ARHGAP15: variants seen among roughly 807,000 people sequenced by gnomAD.
ARHGAP15 encodes rho GTPase-activating protein 15.
In ARHGAP15, 51 loss-of-function variants were observed where a neutral mutation model predicts 63.7. That is an observed-to-expected ratio of 0.80 (90% confidence interval 0.64 to 1.01). The LOEUF is 1.01. ARHGAP15 is among the 50% of genes least tolerant of loss of function. The probability of loss-of-function intolerance (pLI) is 0.00; values close to 1 mark genes in which losing one functional copy is unlikely to be tolerated. For synonymous variants in ARHGAP15, 191 were observed against 193.8 expected (o/e 0.99, Z 0.12); for missense variants, 560 against 564.6 (o/e 0.99, Z 0.08).
At chr2:143,545,985 T>C (rs1397864312) in intron 10 of ARHGAP15, among the ~76,000 whole-genome samples, 1 of 152,218 alleles carries the variant, frequency 6.6e-6, no homozygotes, top group Non-Finnish European at 1.5e-5. Flanking sequence ...GTAAGTGTTT[T>C]GCTGAAAGGC....
chr2:143,178,948 A>G (rs1691116892), intron 2 of ARHGAP15, among the ~76,000 whole-genome samples: 1 of 152,210 alleles, frequency 6.6e-6, no homozygotes, highest in Non-Finnish European at 1.5e-5. Flanking sequence ...ATGATTTTGG[A>G]GTCTTTAGAA....
intron 8 of ARHGAP15, among the ~76,000 whole-genome samples, chr2:143,486,810 C>T (rs1049186787): frequency 6.6e-6 from 1 of 152,080 alleles, no homozygotes; most frequent in African/African-American, 2.4e-5. Context: ...AAGTTTGAGG[C>T]AAATTATGTT....
intron 2 of ARHGAP15, among the ~76,000 whole-genome samples, chr2:143,192,858 A>G (rs1691733186): frequency 6.6e-6 from 1 of 152,218 alleles, no homozygotes; most frequent in Admixed American, 6.5e-5. Flanking sequence ...GCAACAGACA[A>G]AAGTGCTGTA....
At chr2:143,499,027 A>G (rs1368566823) in intron 9 of ARHGAP15, among the ~76,000 whole-genome samples, 1 of 152,220 alleles carries the variant, frequency 6.6e-6, no homozygotes, top group Non-Finnish European at 1.5e-5. Flanking sequence ...TATTACCCAC[A>G]GATCAGAAGA....
intron 10 of ARHGAP15, among the ~76,000 whole-genome samples, chr2:143,541,214 G>A (rs1695032773): frequency 6.6e-6 from 1 of 152,150 alleles, no homozygotes; most frequent in Non-Finnish European, 1.5e-5. Context: ...TTGTGCCATG[G>A]TTTTCAGCTC....
intron 6 of ARHGAP15, among the ~76,000 whole-genome samples, chr2:143,329,498 G>GA (rs780581388): frequency 1.4e-5 from 2 of 147,948 alleles, no homozygotes; most frequent in Non-Finnish European, 3.0e-5. Flanking sequence ...CTTGAAAGAG[G>GA]ACCCCAAAGC....
chr2:143,357,920 TAAG>T (rs1201996587), intron 6 of ARHGAP15, among the ~76,000 whole-genome samples: 1 of 152,210 alleles, frequency 6.6e-6, no homozygotes, highest in Non-Finnish European at 1.5e-5. Context: ...GCATAAACCT[TAAG>T]AGAGTATTTA....
intron 6 of ARHGAP15, among the ~76,000 whole-genome samples, chr2:143,330,159 T>TAAAAAAAAAAAA (rs1684482882): frequency 8.8e-6 from 1 of 113,780 alleles, no homozygotes; most frequent in Non-Finnish European, 1.9e-5. Flanking sequence ...AACTAATGAT[T>TAAAAAAAAAAAA]AATAATTTCA....
intron 1 of ARHGAP15, among the ~76,000 whole-genome samples, chr2:143,139,335 C>T (rs1689270632): frequency 2.0e-5 from 3 of 152,058 alleles, no homozygotes; most frequent in Admixed American, 6.6e-5. Flanking sequence ...AATCAATTGC[C>T]ATACTCAAGC....
intron 10 of ARHGAP15, among the ~76,000 whole-genome samples, chr2:143,520,065 TA>T (rs1296890074): frequency 6.6e-6 from 1 of 152,134 alleles, no homozygotes; most frequent in Non-Finnish European, 1.5e-5. Context: ...TGCAGAATCT[TA>T]AAAAATGTAT....
Position 143,209,557 on chromosome 2 carries a change from T to TAAAA in ARHGAP15, c.235-6820_235-6817dup, listed in dbSNP as rs3070816. 5.3e-3 allele frequency among the ~76,000 whole-genome samples: 785 copies of TAAAA among 148,458 alleles called. 5 individuals carry two copies. Among genetic ancestry groups the TAAAA allele is most frequent in the East Asian group, 0.023 (116 of 5,074 alleles). On this transcript the variant is annotated intron_variant, in intron 3 of 13. Transcript: ENST00000295095. ...GTCCAAATTACAAAATGTGCTATGA[T>TAAAA]AAAAAAAAAACAAGTTTCTGTGAGA... is the stretch of plus-strand genomic sequence containing the variant.
chr2:143,335,618 T>G (rs778285017), intron 6 of ARHGAP15, among the ~76,000 whole-genome samples: 1 of 152,212 alleles, frequency 6.6e-6, no homozygotes, highest in Admixed American at 6.5e-5. Context: ...TATATACTTA[T>G]GCCAAGCAAT....
At chr2:143,442,395 G>A (rs1211893628) in intron 8 of ARHGAP15, among the ~76,000 whole-genome samples, 1 of 152,034 alleles carries the variant, frequency 6.6e-6, no homozygotes, top group Non-Finnish European at 1.5e-5. Context: ...CTTCCCAGTA[G>A]CATTGCTTTC....
chr2:143,435,986 T>C lies in ARHGAP15; in HGVS notation c.573+287T>C, dbSNP rs550347041. Among the ~76,000 whole-genome samples, 34 of 149,806 alleles carry C rather than the reference T, an allele frequency of 2.3e-4. No homozygotes were observed. In the South Asian group the frequency reaches 3.6e-3, roughly 16 times the overall value. ...CTGTAAAAAGCACACAAGCACTTAA[T>C]AACTACTGATTTTTTTTTCATTTTC... On this transcript the variant is annotated intron_variant, in intron 7 of 13. Transcript: ENST00000295095.
At chr2:143,659,717 G>A (rs1287743798) in intron 12 of ARHGAP15, among the ~76,000 whole-genome samples, 1 of 152,100 alleles carries the variant, frequency 6.6e-6, no homozygotes, top group Non-Finnish European at 1.5e-5. Context: ...TGGTAATACA[G>A]GCCCTTTTAA....
chr2:143,535,031 A>T (rs766215173), intron 10 of ARHGAP15, among the ~76,000 whole-genome samples: 1 of 152,170 alleles, frequency 6.6e-6, no homozygotes, highest in Non-Finnish European at 1.5e-5. Context: ...TTTCCTTATG[A>T]TAGAAAATTA....
rs187084299 is a variant in ARHGAP15 at position 143,392,174 on chromosome 2, T to C, written c.475-43427T>C. Among the ~76,000 whole-genome samples the C allele has an allele frequency of 2.0e-3, 302 of 152,314 alleles. 2 individuals carry two copies. Among genetic ancestry groups the C allele is most frequent in the African/African-American group, 7.1e-3 (296 of 41,574 alleles). ...GAACACACCGGAAATATACTTACAG[T>C]CCCTGTTATACTTTTCCAAATACTT... On this transcript the variant is annotated intron_variant, in intron 6 of 13. Coordinates refer to ENST00000295095, the MANE Select transcript of ARHGAP15 (RefSeq NM_018460.4).
At chr2:143,555,742 A>G (rs927760850) in intron 10 of ARHGAP15, among the ~76,000 whole-genome samples, 1 of 152,094 alleles carries the variant, frequency 6.6e-6, no homozygotes, top group Admixed American at 6.6e-5. Context: ...GGAGCACCTC[A>G]TTACCTATAA....
At chr2:143,318,509 CTTTTTTTTTTTTT>C (rs535910161) in intron 6 of ARHGAP15, among the ~76,000 whole-genome samples, 4 of 55,638 alleles carry the variant, frequency 7.2e-5, no homozygotes, top group Admixed American at 5.3e-4. Flanking sequence ...GATTAAGGGC[CTTTTTTTTTTTTT>C]TTTTTTTTTT....
Sources: gnomAD v4.1 joint callset for allele counts (sites outside exome capture counted in the v4.1 genomes callset) on GRCh38, gnomAD v4.1.1 for gene constraint, MANE v1.5 for transcripts, NCBI Gene and HGNC (gene_info 2026-07-23, HGNC 2026-07-21) for gene names.